Variants in PCDH15 observed in about 807,000 individuals in gnomAD.
The protein encoded by PCDH15 is protocadherin-15.
In PCDH15, 129 loss-of-function variants were observed where a neutral mutation model predicts 178.5. The ratio of observed to expected loss-of-function variants is 0.72; its 90% CI spans 0.63 to 0.84. The LOEUF is 0.84. Ranked by LOEUF, PCDH15 falls within the 40% of genes least tolerant of loss-of-function variation. The pLI, the probability that PCDH15 is intolerant of heterozygous loss-of-function variation, is 0.00. For missense variants in PCDH15, 2,230 were observed against 2,099.9 expected (o/e 1.06, Z -1.21); for synonymous variants, 800 against 732.0 (o/e 1.09, Z -1.50).
chr10:54,473,001 A>C (rs2078023612), intron 3 of PCDH15, among the ~76,000 whole-genome samples: 1 of 152,168 alleles, frequency 6.6e-6, no homozygotes, highest in Non-Finnish European at 1.5e-5. Flanking sequence ...GAGGAAACAC[A>C]GACTTCTACA....
chr10:55,297,517 T>C (rs1383210544), intron 1 of PCDH15, among the ~76,000 whole-genome samples: 1 of 152,146 alleles, frequency 6.6e-6, no homozygotes, highest in East Asian at 1.9e-4. Flanking sequence ...TTAAAATCCA[T>C]TTGTAAAATT....
intron 3 of PCDH15, among the ~76,000 whole-genome samples, chr10:54,523,103 C>G (rs951584680): frequency 2.6e-5 from 4 of 152,090 alleles, no homozygotes; most frequent in African/African-American, 9.7e-5. Context: ...ATGAAAAGAG[C>G]TTAGTGCTAA....
intron 3 of PCDH15, among the ~76,000 whole-genome samples, chr10:54,856,015 T>A (rs1953735230): frequency 6.6e-6 from 1 of 152,228 alleles, no homozygotes; most frequent in South Asian, 2.1e-4. Flanking sequence ...AGAAACAGTA[T>A]CAATTGCACA....
intron 1 of PCDH15, among the ~76,000 whole-genome samples, chr10:54,792,579 A>T (rs1251692185): frequency 6.6e-6 from 1 of 151,940 alleles, no homozygotes; most frequent in East Asian, 1.9e-4. Context: ...TCCCGAACAG[A>T]ACAAAAGTTG....
rs559914578 is a variant in PCDH15 at position 54,733,205 on chromosome 10, C to T, written c.-29+67720G>A. Among the ~76,000 whole-genome samples, 9 of 151,486 alleles carry T rather than the reference C, an allele frequency of 5.9e-5. No individual in the cohort carries two copies. The South Asian group carries it at 1.7e-3, about 28-fold the overall frequency. On this transcript the variant is annotated intron_variant, in intron 1 of 37. Coordinates refer to ENST00000644397, the MANE Select transcript of PCDH15 (RefSeq NM_001384140.1). ...AAAGCTCTCTCTATTAAAAAGAGAACATGATTATCTATGTAGAAAATATCT... is the reference window on the plus strand; with the variant it reads ...AAAGCTCTCTCTATTAAAAAGAGAATATGATTATCTATGTAGAAAATATCT...
chr10:55,326,321 A>G (rs1323341641), intron 2 of PCDH15, among the ~76,000 whole-genome samples: 1 of 152,124 alleles, frequency 6.6e-6, no homozygotes, highest in South Asian at 2.1e-4. Context: ...TAGCAAAGAC[A>G]TGTAATCAAC....
In PCDH15 at chr10:55,616,826, A is replaced by C. The variant is rs370974433; in HGVS notation, c.-156+10799T>G. Among the ~76,000 whole-genome samples, 5 of 152,276 alleles carry C rather than the reference A, an allele frequency of 3.3e-5. No homozygotes were observed. In the East Asian group the frequency reaches 7.7e-4, roughly 24 times the overall value. ...TAGTGAGTATGGTGGTTACTTCTAG[A>C]TGTCAACTTGAATAGACTAAGTGTT... On this transcript the variant is annotated intron_variant, in intron 2 of 5. Transcript: ENST00000613346.
intron 2 of PCDH15, among the ~76,000 whole-genome samples, chr10:55,083,390 G>A (rs190730994): frequency 1.3e-5 from 2 of 151,872 alleles, no homozygotes; most frequent in East Asian, 3.9e-4. Flanking sequence ...GCTGCACAGA[G>A]TATAGAAAGA....
chr10:54,998,818 T>C (rs1839715588), intron 2 of PCDH15, among the ~76,000 whole-genome samples: 1 of 152,152 alleles, frequency 6.6e-6, no homozygotes, highest in Admixed American at 6.5e-5. Flanking sequence ...AATTTCTTAA[T>C]TGCATAAAAT....
At chr10:54,439,555 T>G (rs2075663576) in intron 3 of PCDH15, among the ~76,000 whole-genome samples, 1 of 151,980 alleles carries the variant, frequency 6.6e-6, no homozygotes, top group African/African-American at 2.4e-5. Context: ...GTTCTGAAGG[T>G]TTAAAGTAAG....
chr10:54,564,788 T>C (rs2088757607), intron 2 of PCDH15, among the ~76,000 whole-genome samples: 1 of 152,078 alleles, frequency 6.6e-6, no homozygotes, highest in South Asian at 2.1e-4. Flanking sequence ...AAGATTAAGT[T>C]GAAAAAATTA....
At chr10:54,699,367 G>C (rs528023805) in intron 1 of PCDH15, among the ~76,000 whole-genome samples, 1 of 152,086 alleles carries the variant, frequency 6.6e-6, no homozygotes, top group Admixed American at 6.6e-5. Context: ...TCAAAATATT[G>C]TGATCTAGAT....
intron 1 of PCDH15, among the ~76,000 whole-genome samples, chr10:55,195,355 A>G (rs1219383268): frequency 2.0e-5 from 3 of 151,700 alleles, no homozygotes; most frequent in Middle Eastern, 3.2e-3. Flanking sequence ...TTAGAAATGT[A>G]GTAGAAGCCG....
chr10:53,904,247 A>C (rs2082519720), intron 25 of PCDH15, among the ~76,000 whole-genome samples: 1 of 152,180 alleles, frequency 6.6e-6, no homozygotes, highest in Non-Finnish European at 1.5e-5. Context: ...ACATAAGTCG[A>C]CTTTTCTGAT....
intron 25 of PCDH15, chr10:53,905,065 C>T (rs2082580637): frequency 4.5e-6 from 2 of 445,640 alleles, no homozygotes. Flanking sequence ...AACTTCATAT[C>T]TGGATGGTAA....
intron 3 of PCDH15, among the ~76,000 whole-genome samples, chr10:54,866,679 T>C (rs1030949694): frequency 2.0e-5 from 3 of 152,182 alleles, no homozygotes; most frequent in Non-Finnish European, 2.9e-5. Context: ...GAACACTGAA[T>C]GGCATCCAGA....
At chr10:54,548,579 T>C (rs1048891723) in intron 2 of PCDH15, among the ~76,000 whole-genome samples, 1 of 146,298 alleles carries the variant, frequency 6.8e-6, no homozygotes, top group Non-Finnish European at 1.5e-5. Flanking sequence ...ATATAATATA[T>C]ATTATTGTAT....
chr10:54,548,532 T>C (rs2086140160), intron 2 of PCDH15, among the ~76,000 whole-genome samples: 2 of 145,246 alleles, frequency 1.4e-5, no homozygotes, highest in Admixed American at 7.1e-5. Context: ...TTCTGTACCT[T>C]TATATATATA....
At chr10:54,299,987 T>C (rs190378742) in intron 8 of PCDH15, among the ~76,000 whole-genome samples, 14 of 152,320 alleles carry the variant, frequency 9.2e-5, no homozygotes, top group Non-Finnish European at 1.9e-4. Context: ...ATTATCCTGC[T>C]ACCACACACT....
Sources: gnomAD v4.1 joint callset for allele counts (sites outside exome capture counted in the v4.1 genomes callset) on GRCh38, gnomAD v4.1.1 for gene constraint, MANE v1.5 for transcripts, NCBI Gene and HGNC (gene_info 2026-07-23, HGNC 2026-07-21) for gene names.